Variants in FLNB observed in about 807,000 individuals in gnomAD.
FLNB encodes filamin B, also known as filamin-B.
Under a neutral mutation model 250.6 loss-of-function variants are expected in FLNB, and 111 were observed. The ratio of observed to expected loss-of-function variants is 0.44; its 90% CI spans 0.38 to 0.52. The LOEUF (loss-of-function observed/expected upper bound fraction) is 0.52, where lower values mean the gene tolerates loss of function less well. Among genes scored for constraint, FLNB ranks in the 20% least tolerant of loss-of-function variants. The pLI is 0.00. For missense variants in FLNB, 2,869 were observed against 3,447.8 expected, an observed-to-expected ratio of 0.83 and a Z score of 4.20; for synonymous variants, 1,302 against 1,372.1, an observed-to-expected ratio of 0.95 and a Z score of 1.13.
chr3:58,122,520 G>A (rs1050343982), intron 20 of FLNB, among the ~76,000 whole-genome samples: 5 of 151,592 alleles, frequency 3.3e-5, no homozygotes, highest in African/African-American at 9.7e-5. Flanking sequence ...AAAGTTCATC[G>A]TCATTTCTTC....
intron 1 of FLNB, among the ~76,000 whole-genome samples, chr3:58,017,832 A>G (rs1001535149): frequency 2.0e-5 from 3 of 152,204 alleles, no homozygotes; most frequent in Non-Finnish European, 2.9e-5. Flanking sequence ...TTCTTGTACT[A>G]TAAGCAAAGA....
rs878999115 is a variant in FLNB at position 58,154,671 on chromosome 3, G to A, written c.6635-120G>A. On this transcript the variant is annotated intron_variant, in intron 39 of 45. Transcript: ENST00000295956. The stretch of plus-strand genomic sequence containing the variant: ...CCTTGCTTGGGTTCTGCTTGGGGTT[G>A]GAGAAAGAGGAAAGGGCTAGCAACA... 1.2e-5 allele frequency: 13 copies of A among 1,067,378 alleles called. No homozygotes were observed. In the South Asian group the frequency reaches 1.7e-4, roughly 14 times the overall value. The allele number at this position is 1,067,378 out of a possible 1,614,324, so 66.1% of individuals were successfully genotyped here.
intron 1 of FLNB, among the ~76,000 whole-genome samples, chr3:58,025,379 C>A (rs904617699): frequency 2.0e-5 from 3 of 152,126 alleles, no homozygotes; most frequent in Admixed American, 2.0e-4. Flanking sequence ...ATACTCCCTC[C>A]TCAGCCTCCC....
At chr3:58,103,812 A>C in intron 9 of FLNB, 147 bp from the exon 10 acceptor site, 1 of 843,956 alleles carries the variant, frequency 1.2e-6, no homozygotes, top group Non-Finnish European at 2.0e-6. Flanking sequence ...CTTTGAGGGG[A>C]GAGGTCCCAT....
chr3:58,093,605 A>G (rs2097232005), intron 4 of FLNB, among the ~76,000 whole-genome samples: 1 of 149,118 alleles, frequency 6.7e-6, no homozygotes, highest in African/African-American at 2.5e-5. Context: ...ACCTATATAT[A>G]TAATTTCTTA....
chr3:58,031,699 G>A (rs1049827758), intron 1 of FLNB, among the ~76,000 whole-genome samples: 1 of 151,252 alleles, frequency 6.6e-6, no homozygotes, highest in African/African-American at 2.4e-5. Flanking sequence ...CTACAGGTAT[G>A]TGCCACCAAG....
At chr3:58,137,334 G>A (rs924269787) in intron 28 of FLNB, among the ~76,000 whole-genome samples, 3 of 152,222 alleles carry the variant, frequency 2.0e-5, no homozygotes, top group Non-Finnish European at 4.4e-5. Flanking sequence ...AGCTGCCAGC[G>A]ACAACCAGAT....
chr3:58,009,028 C>T (rs1647569652), intron 1 of FLNB, among the ~76,000 whole-genome samples, 172 bp downstream of exon 1: 1 of 152,200 alleles, frequency 6.6e-6, no homozygotes, highest in African/African-American at 2.4e-5. Flanking sequence ...GGTGTCTTCC[C>T]CTGGGATGGG....
At chr3:58,124,268 T>C in intron 21 of FLNB, 64 bp from the exon 22 acceptor site, 1 of 1,573,244 alleles carries the variant, frequency 6.4e-7, no homozygotes, top group East Asian at 2.2e-5. Context: ...AGAACCTTGG[T>C]TCTGGGGTTT....
At chr3:58,155,735 A>C (rs1200505096) in intron 40 of FLNB, among the ~76,000 whole-genome samples, 1 of 152,186 alleles carries the variant, frequency 6.6e-6, no homozygotes, top group Non-Finnish European at 1.5e-5. Flanking sequence ...AATTCAATAC[A>C]GGCCATTTGG....
chr3:58,053,416 A>T (rs545146188), intron 1 of FLNB, among the ~76,000 whole-genome samples: 1 of 152,226 alleles, frequency 6.6e-6, no homozygotes, highest in African/African-American at 2.4e-5. Flanking sequence ...TGAGCTATTC[A>T]TAGCCAAATC....
intron 1 of FLNB, among the ~76,000 whole-genome samples, chr3:58,045,621 T>C (rs1468724911): frequency 6.6e-6 from 1 of 152,156 alleles, no homozygotes; most frequent in Admixed American, 6.5e-5. Flanking sequence ...ACCTGAAACT[T>C]GATCTTGGAT....
intron 1 of FLNB, among the ~76,000 whole-genome samples, chr3:58,059,409 C>T (rs2097174853): frequency 6.6e-6 from 1 of 152,126 alleles, no homozygotes; most frequent in African/African-American, 2.4e-5. Flanking sequence ...TAGGGGGATG[C>T]TGGACCTAGC....
chr3:58,085,701 T>G (rs1179169363), intron 4 of FLNB, among the ~76,000 whole-genome samples: 1 of 152,184 alleles, frequency 6.6e-6, no homozygotes, highest in Non-Finnish European at 1.5e-5. Context: ...ATCAGAAATC[T>G]TTGTAAAAAT....
chr3:58,058,897 A>G (rs1040143581), intron 1 of FLNB, among the ~76,000 whole-genome samples: 2 of 152,216 alleles, frequency 1.3e-5, no homozygotes, highest in Non-Finnish European at 1.5e-5. Context: ...AGACTTGTTC[A>G]TAGAGGATCT....
At chr3:58,039,177 C>T (rs971602888) in intron 1 of FLNB, among the ~76,000 whole-genome samples, 2 of 143,960 alleles carry the variant, frequency 1.4e-5, no homozygotes, top group African/African-American at 2.6e-5. Context: ...GATAACATAG[C>T]GAGACCCTGT....
At chr3:58,011,023 T>G (rs1476287309) in intron 1 of FLNB, among the ~76,000 whole-genome samples, 2 of 152,196 alleles carry the variant, frequency 1.3e-5, no homozygotes, top group African/African-American at 4.8e-5. Context: ...CAAGCGATTC[T>G]TCTGCCTCAG....
At chr3:58,078,856 C>A in intron 3 of FLNB, 42 bp downstream of exon 3, 1 of 1,499,974 alleles carries the variant, frequency 6.7e-7, no homozygotes, top group East Asian at 2.3e-5. Context: ...TGCCCCCACC[C>A]ACTAGCTTGT....
Position 58,043,730 on chromosome 3 carries a change from C to G in FLNB, c.293-33316C>G, listed in dbSNP as rs145310650. Among the ~76,000 whole-genome samples the G allele has an allele frequency of 3.9e-5, 6 of 152,286 alleles. No homozygotes were observed. In the East Asian group the frequency reaches 1.2e-3, roughly 29 times the overall value. On this transcript the variant is annotated intron_variant, in intron 1 of 45. Coordinates refer to ENST00000295956, the MANE Select transcript of FLNB (RefSeq NM_001457.4). ...TGAGAGTGCTGAGTGCAAAACTCTC[C>G]TATAGCTCCTATACAAGTCCAGGAT...
Sources: gnomAD v4.1 joint callset for allele counts (sites outside exome capture counted in the v4.1 genomes callset) on GRCh38, gnomAD v4.1.1 for gene constraint, MANE v1.5 for transcripts, NCBI Gene and HGNC (gene_info 2026-07-23, HGNC 2026-07-21) for gene names.